IRAK3: variants seen among roughly 807,000 people sequenced by gnomAD.
The protein encoded by IRAK3 is interleukin 1 receptor associated kinase 3.
Under a neutral mutation model 56.6 loss-of-function variants are expected in IRAK3, and 57 were observed. The ratio of observed to expected loss-of-function variants is 1.01; its 90% confidence interval spans 0.81 to 1.26. IRAK3 has a LOEUF of 1.26. Among genes scored for constraint, IRAK3 ranks in the 50% most tolerant of loss-of-function variants. The pLI, the probability that IRAK3 is intolerant of heterozygous loss-of-function variation, is 0.00. For synonymous variants in IRAK3, 258 were observed against 255.7 expected, an observed-to-expected ratio of 1.01 and a Z score of -0.09; for missense variants, 703 against 719.0, an observed-to-expected ratio of 0.98 and a Z score of 0.25.
intron 5 of IRAK3, among the ~76,000 whole-genome samples, chr12:66,215,497 G>A (rs866328832): frequency 3.9e-5 from 6 of 152,168 alleles, no homozygotes; most frequent in African/African-American, 1.4e-4. Flanking sequence ...GGACTGGGCA[G>A]CTTTTTTTGA....
intron 2 of IRAK3, among the ~76,000 whole-genome samples, chr12:66,208,208 A>C (rs1346662142): frequency 6.6e-6 from 1 of 152,180 alleles, no homozygotes; most frequent in Non-Finnish European, 1.5e-5. Context: ...ATGACAGCAA[A>C]ATATGGCAGG....
chr12:66,210,052 T>C (rs2052596538), intron 3 of IRAK3, 95 bp from the exon 4 acceptor site: 1 of 806,678 alleles, frequency 1.2e-6, no homozygotes, highest in Non-Finnish European at 2.2e-6. Flanking sequence ...TCTGTTGCAC[T>C]GCATAGTCCC....
At chr12:66,204,764 G>A (rs530593046) in intron 2 of IRAK3, among the ~76,000 whole-genome samples, 15 of 143,426 alleles carry the variant, frequency 1.0e-4, no homozygotes, top group Middle Eastern at 3.5e-3. Flanking sequence ...TATTTAGTGC[G>A]CATGAGCCCT....
chr12:66,233,387 G>A (rs1019964943), intron 8 of IRAK3, among the ~76,000 whole-genome samples: 4 of 151,972 alleles, frequency 2.6e-5, no homozygotes, highest in Admixed American at 2.6e-4. Flanking sequence ...GCATAGTGGC[G>A]GGCGCCTGTA....
At chr12:66,198,374 T>G (rs528166202) in intron 1 of IRAK3, among the ~76,000 whole-genome samples, 17 of 152,358 alleles carry the variant, frequency 1.1e-4, no homozygotes, top group Admixed American at 1.0e-3. Context: ...CATTCTGGCC[T>G]TCCCTCTGCC....
intron 11 of IRAK3, among the ~76,000 whole-genome samples, chr12:66,247,032 G>T (rs1156327303): frequency 2.0e-5 from 3 of 152,322 alleles, no homozygotes; most frequent in Admixed American, 2.0e-4. Flanking sequence ...CACTTTGAGA[G>T]TCTGAGGTGG....
intron 2 of IRAK3, among the ~76,000 whole-genome samples, chr12:66,206,794 T>C (rs973698307): frequency 6.6e-6 from 1 of 152,244 alleles, no homozygotes; most frequent in African/African-American, 2.4e-5. Context: ...GGTGTTAATC[T>C]TCTTTAAATG....
chr12:66,223,710 T>A (rs150778288), intron 6 of IRAK3, among the ~76,000 whole-genome samples: 1,536 of 151,474 alleles, frequency 0.01, 20 homozygotes, highest in Middle Eastern at 0.017. Context: ...AACATTACTT[T>A]TTTTTATTTT....
At chr12:66,226,432 G>A (rs1415628455) in intron 6 of IRAK3, among the ~76,000 whole-genome samples, 1 of 152,006 alleles carries the variant, frequency 6.6e-6, no homozygotes, top group Admixed American at 6.6e-5. Flanking sequence ...AGTAGAAACG[G>A]GGTTTCACCA....
chr12:66,210,587 G>A (rs2052601917), intron 4 of IRAK3, among the ~76,000 whole-genome samples: 1 of 152,178 alleles, frequency 6.6e-6, no homozygotes, highest in South Asian at 2.1e-4. Flanking sequence ...GAGCAATGCT[G>A]AAGGTCAGTA....
In IRAK3 at chr12:66,248,167, A is replaced by C. The variant is rs1319751709; in HGVS notation, c.1787A>C (p.Glu596Ala). The part of the protein sequence containing the change: ...SWDEYEQYKK[E>A] Reference sequence around the variant, plus strand: ...GATGAATATGAACAGTACAAAAAAGAATAAATTCTACCAGAAGATAAAGAA... The same window carrying C: ...GATGAATATGAACAGTACAAAAAAGCATAAATTCTACCAGAAGATAAAGAA... The change falls in exon 12 of 12, where the codon GAA (glutamate) becomes GCA (alanine). Residue 596 changes from glutamate (E) to alanine (A), a missense_variant. Transcript: ENST00000261233. 1.9e-6 allele frequency: 3 copies of C among 1,610,022 alleles called. 1 individual carries two copies. In the African/African-American group the frequency reaches 4.0e-5, roughly 22 times the overall value.
intron 1 of IRAK3, among the ~76,000 whole-genome samples, chr12:66,191,349 C>G (rs1625441): frequency 0.21 from 32,250 of 152,048 alleles, 6,172 homozygotes; most frequent in African/African-American, 0.5. Flanking sequence ...GCTGCCTGGG[C>G]TAGTTGCTAC....
intron 8 of IRAK3, among the ~76,000 whole-genome samples, chr12:66,230,338 A>G (rs1311197348): frequency 6.6e-6 from 1 of 152,194 alleles, no homozygotes; most frequent in Admixed American, 6.5e-5. Context: ...GGGACAGCAA[A>G]TGAAGCGAGG....
At position 66,232,231 on chromosome 12, in the gene IRAK3, A is replaced by G. The variant is rs144392302; in HGVS notation, c.887+3861A>G. On this transcript the variant is annotated intron_variant, in intron 8 of 11. Coordinates refer to ENST00000261233, the MANE Select transcript of IRAK3 (RefSeq NM_007199.3). Reference sequence around the variant, plus strand: ...TGTTCCAAAGAGTTCAAGGACTTCAATGTAACCCATCCATAGAATGTGCCC... The same window carrying G: ...TGTTCCAAAGAGTTCAAGGACTTCAGTGTAACCCATCCATAGAATGTGCCC... 1.2e-4 allele frequency among the ~76,000 whole-genome samples: 19 copies of G among 152,270 alleles called. No individual in the cohort carries two copies. In the South Asian group the frequency reaches 2.7e-3, roughly 22 times the overall value.
intron 6 of IRAK3, among the ~76,000 whole-genome samples, chr12:66,223,485 C>T (rs1001184756): frequency 2.0e-5 from 3 of 151,474 alleles, no homozygotes; most frequent in African/African-American, 7.3e-5. Context: ...CTGTGAAACC[C>T]CGTCTCTACT....
rs1211583060 is a variant in IRAK3 at position 66,245,021 on chromosome 12, T to C, written c.1149+11T>C. On this transcript the variant is annotated intron_variant, in intron 10 of 11. Transcript: ENST00000261233. ...AAACATATCCAGCTGGTAAGAATTG[T>C]TTTCATCCTGGCACCTATCTCTTGG... is the stretch of plus-strand genomic sequence containing the variant. 6.2e-7 allele frequency: 1 copy of C among 1,613,944 alleles called. No individual in the cohort carries two copies. The highest frequency in any genetic ancestry group is 8.5e-7 in the Non-Finnish European group (1 of 1,179,836).
intron 1 of IRAK3, among the ~76,000 whole-genome samples, chr12:66,189,669 G>A (rs530018649): frequency 1.3e-5 from 2 of 152,294 alleles, no homozygotes; most frequent in African/African-American, 4.8e-5. Flanking sequence ...AGTCAAGGGA[G>A]CCGAGGCCTG....
chr12:66,236,814 G>T (rs935428707), intron 8 of IRAK3, among the ~76,000 whole-genome samples: 1 of 152,080 alleles, frequency 6.6e-6, no homozygotes, highest in African/African-American at 2.4e-5. Flanking sequence ...CTTAAATCCT[G>T]GTCAAGCTTT....
At chr12:66,224,509 A>T (rs1012410238) in intron 6 of IRAK3, among the ~76,000 whole-genome samples, 1 of 152,166 alleles carries the variant, frequency 6.6e-6, no homozygotes, top group East Asian at 1.9e-4. Flanking sequence ...GACCTGAAGG[A>T]TGAGGTTTCT....
Sources: gnomAD v4.1 joint callset for allele counts (sites outside exome capture counted in the v4.1 genomes callset) on GRCh38, gnomAD v4.1.1 for gene constraint, MANE v1.5 for transcripts, NCBI Gene and HGNC (gene_info 2026-07-23, HGNC 2026-07-21) for gene names.